The following ERBB4 variants were observed in gnomAD, a reference collection of about 807,000 sequenced individuals.
ERBB4 encodes erb-b2 receptor tyrosine kinase 4, also known as receptor tyrosine-protein kinase erbB-4.
ERBB4 carries 42 observed loss-of-function variants against 158.0 expected under a neutral mutation model. That is an observed-to-expected ratio of 0.27 (90% CI 0.21 to 0.34). ERBB4 has a LOEUF of 0.34. ERBB4 is among the 10% of genes least tolerant of loss of function. ERBB4 has a pLI of 1.00. For synonymous variants in ERBB4, 583 were observed against 558.7 expected (o/e 1.04, Z -0.61); for missense variants, 1,333 against 1,624.1 (o/e 0.82, Z 3.08).
At position 211,673,528 on chromosome 2, in the gene ERBB4, A is replaced by AAAAAAAAAAAAAAAAAAAAAAAAAAAG. The variant is rs1432231391; in HGVS notation, c.1623-272_1623-271insCTTTTTTTTTTTTTTTTTTTTTTTTTT. Among the ~76,000 whole-genome samples the AAAAAAAAAAAAAAAAAAAAAAAAAAAG allele has an allele frequency of 2.7e-5, 4 of 149,880 alleles. No homozygotes were observed. The South Asian group carries it at 8.5e-4, about 32-fold the overall frequency. ...TATTCCAGCAATCTCAAAAAAAAAA[A>AAAAAAAAAAAAAAAAAAAAAAAAAAAG]AAGCTACAAAGTATAACTCTTCTGA... On this transcript the variant is annotated intron_variant, in intron 13 of 27. Transcript: ENST00000342788.
intron 1 of ERBB4, among the ~76,000 whole-genome samples, chr2:212,202,724 T>C (rs769334648): frequency 8.5e-5 from 13 of 152,150 alleles, no homozygotes; most frequent in Admixed American, 1.3e-4. Context: ...AAAGTCTCAC[T>C]TCACTAATTA....
At chr2:212,145,589 G>A (rs1221244346) in intron 1 of ERBB4, among the ~76,000 whole-genome samples, 3 of 151,940 alleles carry the variant, frequency 2.0e-5, no homozygotes, top group African/African-American at 4.8e-5. Context: ...AATTGCTATA[G>A]GCCTTTAGAC....
At chr2:212,192,994 G>A (rs2082318386) in intron 1 of ERBB4, among the ~76,000 whole-genome samples, 1 of 152,118 alleles carries the variant, frequency 6.6e-6, no homozygotes, top group South Asian at 2.1e-4. Flanking sequence ...TGTAAACTCT[G>A]TCACAGAGGA....
chr2:211,943,736 T>A (rs899777943), intron 3 of ERBB4, among the ~76,000 whole-genome samples: 1 of 152,070 alleles, frequency 6.6e-6, no homozygotes, highest in African/African-American at 2.4e-5. Flanking sequence ...TTTTTCTATT[T>A]GGCCAGAAAA....
intron 4 of ERBB4, among the ~76,000 whole-genome samples, chr2:211,773,268 A>T (rs1423019756): frequency 6.6e-6 from 1 of 151,618 alleles, no homozygotes; most frequent in African/African-American, 2.4e-5. Context: ...TGGTTAAGTT[A>T]TATGTAAAAG....
intron 20 of ERBB4, among the ~76,000 whole-genome samples, chr2:211,538,056 T>A (rs955278937): frequency 5.9e-5 from 9 of 151,834 alleles, no homozygotes; most frequent in African/African-American, 2.2e-4. Flanking sequence ...CAATAATAGG[T>A]GTCCATACAG....
At chr2:211,389,140 A>C (rs1574392122) in intron 25 of ERBB4, among the ~76,000 whole-genome samples, 3 of 152,162 alleles carry the variant, frequency 2.0e-5, no homozygotes, top group Admixed American at 2.0e-4. Flanking sequence ...GGTTCACGCC[A>C]TTCCCTTTCC....
chr2:211,844,758 A>G (rs2077551889), intron 3 of ERBB4, among the ~76,000 whole-genome samples: 1 of 152,218 alleles, frequency 6.6e-6, no homozygotes, highest in South Asian at 2.1e-4. Flanking sequence ...TATTTCTTCA[A>G]TATTCCAGAG....
intron 16 of ERBB4, among the ~76,000 whole-genome samples, chr2:211,646,664 T>C (rs1435391665): frequency 1.3e-5 from 2 of 151,702 alleles, no homozygotes; most frequent in African/African-American, 2.4e-5. Context: ...TTGGAGTAAT[T>C]GTTATATATC....
intron 2 of ERBB4, among the ~76,000 whole-genome samples, chr2:211,995,346 A>C (rs2082176567): frequency 6.6e-6 from 1 of 152,332 alleles, no homozygotes; most frequent in Non-Finnish European, 1.5e-5. Context: ...TGATTGCAAT[A>C]GTTCTTATGT....
rs575040811 is a variant in ERBB4, at chr2:211,838,830, G to A, written c.422-50671C>T. Among the ~76,000 whole-genome samples, 4 of 152,214 alleles carry A rather than the reference G, an allele frequency of 2.6e-5. No individual in the cohort carries two copies. The East Asian group carries it at 7.7e-4, about 29-fold the overall frequency. On this transcript the variant is annotated intron_variant, in intron 3 of 27. Transcript: ENST00000342788. ...GTCACAGCTCCTATTTTAAGGTACA[G>A]TGCAAACTGGATCACCTTCCAACAT...
intron 19 of ERBB4, among the ~76,000 whole-genome samples, chr2:211,605,740 T>C (rs557953140): frequency 6.6e-6 from 1 of 152,234 alleles, no homozygotes; most frequent in South Asian, 2.1e-4. Context: ...GCCAGAAGTA[T>C]AAAAATAGTA....
intron 20 of ERBB4, among the ~76,000 whole-genome samples, chr2:211,520,574 T>C (rs1454575829): frequency 6.6e-6 from 1 of 152,092 alleles, no homozygotes; most frequent in Non-Finnish European, 1.5e-5. Flanking sequence ...CCACAAACCC[T>C]ACAGTATTTA....
intron 4 of ERBB4, among the ~76,000 whole-genome samples, chr2:211,773,629 T>TATATATATATATATCTATATATATA: frequency 2.0e-5 from 1 of 51,060 alleles, no homozygotes; most frequent in South Asian, 5.0e-4. Context: ...TATATATATA[T>TATATATATATATATCTATATATATA]ATATATATAT....
At chr2:212,512,944 T>C (rs1171398746) in intron 1 of ERBB4, among the ~76,000 whole-genome samples, 1 of 152,196 alleles carries the variant, frequency 6.6e-6, no homozygotes, top group Non-Finnish European at 1.5e-5. Flanking sequence ...AAATTACATC[T>C]TGAGATTATT....
At chr2:212,187,048 T>C (rs2082034768) in intron 1 of ERBB4, among the ~76,000 whole-genome samples, 2 of 152,140 alleles carry the variant, frequency 1.3e-5, no homozygotes, top group South Asian at 4.1e-4. Flanking sequence ...GATCAGATTT[T>C]ACATATTGCT....
At chr2:211,595,687 T>C (rs2068608660) in intron 19 of ERBB4, among the ~76,000 whole-genome samples, 1 of 152,084 alleles carries the variant, frequency 6.6e-6, no homozygotes, top group Non-Finnish European at 1.5e-5. Context: ...CCTGCACGGG[T>C]CCAATTACAG....
intron 1 of ERBB4, among the ~76,000 whole-genome samples, chr2:212,420,368 T>C (rs1297670784): frequency 1.3e-5 from 2 of 152,100 alleles, no homozygotes; most frequent in Non-Finnish European, 2.9e-5. Flanking sequence ...ACAAATAAAA[T>C]TGAAATCTTA....
chr2:211,415,407 C>T (rs1574446225), intron 25 of ERBB4, among the ~76,000 whole-genome samples: 1 of 152,170 alleles, frequency 6.6e-6, no homozygotes, highest in East Asian at 1.9e-4. Flanking sequence ...GCGTGAGCCA[C>T]CGCGCCCGGC....
Sources: gnomAD v4.1 joint callset for allele counts (sites outside exome capture counted in the v4.1 genomes callset) on GRCh38, gnomAD v4.1.1 for gene constraint, MANE v1.5 for transcripts, NCBI Gene and HGNC (gene_info 2026-07-23, HGNC 2026-07-21) for gene names.